The following RPE65 variants were observed in gnomAD, a reference collection of about 807,000 sequenced individuals.
The protein encoded by RPE65 is retinoid isomerohydrolase.
Under a neutral mutation model 68.5 loss-of-function variants are expected in RPE65, and 58 were observed. That is an observed-to-expected ratio of 0.85 (90% CI 0.69 to 1.05). The LOEUF (loss-of-function observed/expected upper bound fraction) is 1.05. Among genes scored for constraint, RPE65 ranks in the 50% least tolerant of loss-of-function variants. The probability of loss-of-function intolerance (pLI) is 0.00; values close to 1 mark genes in which losing one functional copy is unlikely to be tolerated. For missense variants in RPE65, 643 were observed against 629.9 expected, an observed-to-expected ratio of 1.02 and a Z score of -0.22; for synonymous variants, 220 against 222.2, an observed-to-expected ratio of 0.99 and a Z score of 0.09.
chr1:68,444,655 C>T lies in RPE65; in HGVS notation c.371G>A (p.Arg124Gln), dbSNP rs748546353. 5.0e-6 allele frequency: 8 copies of T among 1,613,788 alleles called. No homozygotes were observed. The African/African-American group carries it at 5.3e-5, about 11-fold the overall frequency. ...GGCATTGTCAGTAACCTCTACTCCT[C>T]GAAAGTAAGAAAAAAACCTGTAGAA... Reference protein sequence around the residue: ...NIFSRFFSYFRGVEVTDNALV... With the variant: ...NIFSRFFSYFQGVEVTDNALV... Residue 124 changes from arginine to glutamine, a missense_variant, in exon 5 of 14, where the codon CGA becomes CAA. Arg to Gln is a conservative substitution (Grantham distance 43). Transcript: ENST00000262340.
chr1:68,437,250 C>T (rs1423891075), intron 10 of RPE65, among the ~76,000 whole-genome samples: 1 of 152,144 alleles, frequency 6.6e-6, no homozygotes, highest in Non-Finnish European at 1.5e-5. Flanking sequence ...ACCCATCTCC[C>T]CTACACCCCT....
intron 13 of RPE65, among the ~76,000 whole-genome samples, chr1:68,430,649 C>T (rs568020610): frequency 2.0e-5 from 3 of 152,210 alleles, no homozygotes; most frequent in Non-Finnish European, 4.4e-5. Flanking sequence ...ACCGAAAGAA[C>T]AAATGAAAAC....
rs532359432 is a variant in RPE65, at chr1:68,436,728, A to G, written c.1128+1459T>C. 1.9e-4 allele frequency among the ~76,000 whole-genome samples: 29 copies of G among 152,142 alleles called. No individual in the cohort carries two copies. The South Asian group carries it at 6.0e-3, about 32-fold the overall frequency. ...GGTGATGCACCCGCCTCGGCCTCCC[A>G]AACTGCTGGGATTACAGGTGTGAGC... On this transcript the variant is annotated intron_variant, in intron 10 of 13. Transcript: ENST00000262340.
At chr1:68,449,294 A>G (rs1402032852) in intron 1 of RPE65, among the ~76,000 whole-genome samples, 1 of 152,136 alleles carries the variant, frequency 6.6e-6, no homozygotes, top group Non-Finnish European at 1.5e-5. Flanking sequence ...TTTCTCTACC[A>G]ATCCCCAAGA....
intron 10 of RPE65, among the ~76,000 whole-genome samples, chr1:68,436,153 G>A (rs3125896): frequency 0.17 from 26,542 of 152,016 alleles, 2,424 homozygotes; most frequent in Admixed American, 0.23. Context: ...AGATGATTGT[G>A]ATTTTTACCA....
At chr1:68,445,404 T>C (rs181793378) in intron 3 of RPE65, among the ~76,000 whole-genome samples, 2 of 152,304 alleles carry the variant, frequency 1.3e-5, no homozygotes, top group Admixed American at 6.5e-5. Context: ...GAATTCCATC[T>C]CTTGCCTAGA....
At chr1:68,442,084 G>A (rs1330718921) in intron 5 of RPE65, among the ~76,000 whole-genome samples, 1 of 152,146 alleles carries the variant, frequency 6.6e-6, no homozygotes, top group Non-Finnish European at 1.5e-5. Flanking sequence ...AATAACACCA[G>A]GATAGCACAG....
intron 10 of RPE65, among the ~76,000 whole-genome samples, chr1:68,436,298 T>G (rs1645862095): frequency 6.6e-6 from 1 of 152,116 alleles, no homozygotes; most frequent in South Asian, 2.1e-4. Context: ...CAGATTGATC[T>G]CTCTCCATGA....
At chr1:68,445,153 C>G (rs999421872) in intron 3 of RPE65, among the ~76,000 whole-genome samples, 19 of 152,098 alleles carry the variant, frequency 1.2e-4, no homozygotes, top group Admixed American at 3.3e-4. Context: ...TGTGGCCAAG[C>G]TGGGTTAGAA....
intron 6 of RPE65, among the ~76,000 whole-genome samples, chr1:68,440,296 A>G (rs1645892962): frequency 6.6e-6 from 1 of 152,224 alleles, no homozygotes; most frequent in Non-Finnish European, 1.5e-5. Flanking sequence ...CATTCAAATA[A>G]TTCCATCATC....
rs62636297 is a variant in RPE65, at chr1:68,431,494, A to G, written c.1220T>C (p.Val407Ala). ...SDETIWLEPE[V>A]LFSGPRQAFE... ...ACCTTGACGAGGCCCTGAAAAGAGA[A>G]CTTCAGGCTCCAGCCAGATAGTCTC... is the stretch of plus-strand genomic sequence containing the variant. The change falls in exon 11 of 14, where the codon GTT (valine) becomes GCT (alanine). Residue 407 changes from valine to alanine, a missense_variant. Physicochemically the swap from Val to Ala is moderately conservative, Grantham distance 64. Transcript: ENST00000262340. 7 of 1,613,840 alleles carry G rather than the reference A, an allele frequency of 4.3e-6. No individual in the cohort carries two copies. In the Admixed American group the frequency reaches 5.0e-5, roughly 12 times the overall value.
At chr1:68,446,422 T>C (rs1171776882) in intron 3 of RPE65, among the ~76,000 whole-genome samples, 2 of 152,204 alleles carry the variant, frequency 1.3e-5, no homozygotes, top group Middle Eastern at 3.2e-3. Context: ...AAACCAAGAA[T>C]TGGAGGTCAA....
intron 3 of RPE65, among the ~76,000 whole-genome samples, chr1:68,446,213 G>A (rs367559907): frequency 3.9e-5 from 6 of 151,986 alleles, no homozygotes; most frequent in African/African-American, 9.6e-5. Flanking sequence ...GGCAGCCCCC[G>A]ACCCCTTTCC....
At chr1:68,430,945 T>C (rs1278886063) in intron 13 of RPE65, 120 bp downstream of exon 13, 12 of 788,054 alleles carry the variant, frequency 1.5e-5, no homozygotes, top group African/African-American at 3.4e-5. Context: ...CTGCTCTATT[T>C]ATAGTATTAA....
chr1:68,433,540 A>G (rs950198401), intron 10 of RPE65, among the ~76,000 whole-genome samples: 1 of 152,174 alleles, frequency 6.6e-6, no homozygotes, highest in African/African-American at 2.4e-5. Context: ...TTTCAGAGAA[A>G]AAGAAAACAT....
rs1240694274 is a variant in RPE65 at position 68,439,631 on chromosome 1, G to A, written c.655C>T (p.Pro219Ser). 8 of 1,613,564 alleles carry A rather than the reference G, an allele frequency of 5.0e-6. No individual in the cohort carries two copies. The highest frequency in any genetic ancestry group is 6.8e-6 in the Non-Finnish European group (8 of 1,179,716). ...ACAACGATCTCTGACTTGCTTATTG[G>A]ATCTTCCTTGTCTGAAATAAAGTGG... ...IPPLQADKED[P>S]ISKSEIVVQF... is the part of the protein sequence containing the mutation. Residue 219 changes from proline to serine, a missense_variant, in exon 7 of 14, where the codon CCA becomes TCA. Pro to Ser is a moderately conservative substitution (Grantham distance 74). Coordinates refer to ENST00000262340, the MANE Select transcript of RPE65 (RefSeq NM_000329.3).
In RPE65 at chr1:68,429,617, T is replaced by C. The variant is rs112157684; in HGVS notation, c.*159A>G. On this transcript the variant is annotated 3_prime_UTR_variant, in exon 14 of 14. Coordinates refer to ENST00000262340, the MANE Select transcript of RPE65 (RefSeq NM_000329.3). ...TTTTTTTTTAAATAAAGGAATTGCT[T>C]GCTCAACTCAGTGCTTTCTGTAAAA... The C allele has an allele frequency of 2.5e-5, 19 of 754,160 alleles. 2 individuals carry two copies. The highest frequency in any genetic ancestry group is 1.9e-4 in the African/African-American group (11 of 57,014). 46.7% of individuals were successfully genotyped at this position (754,160 alleles called of 1,614,324 possible).
At chr1:68,431,999 C>T (rs1025204468) in intron 10 of RPE65, among the ~76,000 whole-genome samples, 5 of 149,960 alleles carry the variant, frequency 3.3e-5, no homozygotes, top group African/African-American at 7.4e-5. Context: ...ATGTATATTT[C>T]GTTCACACGT....
intron 3 of RPE65, 96 bp downstream of exon 3, chr1:68,446,614 T>C: frequency 6.9e-7 from 1 of 1,457,098 alleles, no homozygotes; most frequent in Non-Finnish European, 9.6e-7. Flanking sequence ...GGTATATAGG[T>C]TGCCTCCTGA....
Sources: allele counts gnomAD v4.1 joint callset (sites outside exome capture counted in the v4.1 genomes callset), GRCh38; gene constraint gnomAD v4.1.1; transcripts MANE v1.5; gene names NCBI Gene and HGNC (gene_info 2026-07-23, HGNC 2026-07-21).